PTPN4: variants seen among roughly 807,000 people sequenced by gnomAD.
PTPN4 encodes the protein protein tyrosine phosphatase non-receptor type 4.
Under a neutral mutation model 135.5 loss-of-function variants are expected in PTPN4, and 49 were observed. The ratio of observed to expected loss-of-function variants is 0.36; its 90% confidence interval spans 0.29 to 0.46. The LOEUF is 0.46. Among genes scored for constraint, PTPN4 ranks in the 20% least tolerant of loss-of-function variants. PTPN4 has a pLI of 1.00. For synonymous variants in PTPN4, 333 were observed against 369.9 expected, an observed-to-expected ratio of 0.90 and a Z score of 1.14; for missense variants, 860 against 1,101.0, an observed-to-expected ratio of 0.78 and a Z score of 3.10.
intron 26 of PTPN4, among the ~76,000 whole-genome samples, chr2:119,973,680 T>TC (rs1679572371): frequency 2.3e-5 from 3 of 132,958 alleles, no homozygotes; most frequent in Non-Finnish European, 5.0e-5. Flanking sequence ...TTTTTTTTTT[T>TC]TTGGTAATTT....
intron 26 of PTPN4, among the ~76,000 whole-genome samples, chr2:119,972,260 A>G (rs1679548140): frequency 6.6e-6 from 1 of 151,936 alleles, no homozygotes; most frequent in Non-Finnish European, 1.5e-5. Flanking sequence ...TAATAGTGAT[A>G]TCACATCTTG....
At chr2:119,839,360 T>A (rs1187919607) in intron 2 of PTPN4, among the ~76,000 whole-genome samples, 2 of 152,344 alleles carry the variant, frequency 1.3e-5, no homozygotes, top group Non-Finnish European at 2.9e-5. Context: ...AGATTTATAG[T>A]GCTAATAATG....
chr2:119,877,569 A>G (rs745604003), intron 5 of PTPN4, 27 bp downstream of exon 5: 1 of 1,561,500 alleles, frequency 6.4e-7, no homozygotes, highest in Admixed American at 2.1e-5. Flanking sequence ...ATTTTTCTTG[A>G]AAATATTGTC....
At chr2:119,810,571 AT>A (rs1465468679) in intron 2 of PTPN4, among the ~76,000 whole-genome samples, 1 of 151,916 alleles carries the variant, frequency 6.6e-6, no homozygotes, top group Non-Finnish European at 1.5e-5. Flanking sequence ...TTCATTTACC[AT>A]TTACTTGTCC....
At chr2:119,963,990 A>G (rs142819569) in intron 24 of PTPN4, among the ~76,000 whole-genome samples, 2 of 152,356 alleles carry the variant, frequency 1.3e-5, no homozygotes, top group African/African-American at 4.8e-5. Flanking sequence ...TGAGCCAAAC[A>G]TAATTGGGAA....
intron 1 of PTPN4, among the ~76,000 whole-genome samples, chr2:119,775,815 ATATCTATATC>A (rs1690825054): frequency 1.4e-5 from 2 of 146,806 alleles, no homozygotes; most frequent in Admixed American, 6.7e-5. Flanking sequence ...ATCTATATCT[ATATCTATATC>A]TATATCTATA....
chr2:119,858,470 G>A (rs79459066), intron 2 of PTPN4, among the ~76,000 whole-genome samples: 1,747 of 152,122 alleles, frequency 0.011, 19 homozygotes, highest in Middle Eastern at 0.027. Context: ...TGCCAAATTT[G>A]TAAAAATTTT....
At chr2:119,802,038 C>T (rs1691385340) in intron 1 of PTPN4, among the ~76,000 whole-genome samples, 1 of 151,408 alleles carries the variant, frequency 6.6e-6, no homozygotes, top group African/African-American at 2.4e-5. Flanking sequence ...GTAGCTGGGA[C>T]TACAACAGGC....
intron 1 of PTPN4, among the ~76,000 whole-genome samples, chr2:119,808,705 A>T (rs888033330): frequency 7.9e-5 from 12 of 152,140 alleles, no homozygotes; most frequent in African/African-American, 2.9e-4. Context: ...GTCATGAGCC[A>T]CTTCACCCAG....
chr2:119,926,348 C>G (rs958131335), intron 12 of PTPN4, among the ~76,000 whole-genome samples: 1 of 152,160 alleles, frequency 6.6e-6, no homozygotes, highest in Admixed American at 6.5e-5. Flanking sequence ...AAACAAAAAT[C>G]TGGAGCTGTT....
At position 119,979,476 on chromosome 2, in the gene PTPN4, C is replaced by G. The variant is rs1158857458; in HGVS notation, c.*2406C>G. On this transcript the variant is annotated 3_prime_UTR_variant, in exon 27 of 27. Transcript: ENST00000263708. ...TCATCTGGGAACTACCCACTGTCGT[C>G]ATTTTTATGTGCAGAAAAGATCCTT... 6.6e-6 allele frequency: 1 copy of G among 152,092 alleles called. No homozygotes were observed. Among genetic ancestry groups the G allele is most frequent in the East Asian group, 1.9e-4 (1 of 5,196 alleles). 9.4% of individuals were successfully genotyped at this position (152,092 alleles called of 1,614,324 possible).
Position 119,955,142 on chromosome 2 carries a change from ATTTT to A in PTPN4, c.1814-6_1814-3del, listed in dbSNP as rs759764897. On this transcript the variant is annotated splice_polypyrimidine_tract_variant and intron_variant, in intron 19 of 26. Transcript: ENST00000263708. The stretch of plus-strand genomic sequence containing the variant: ...ATTTCCACGTTTTGGGGTTTGTTTG[ATTTT>A]TTTTTTTTAGCTGTATATGATGTAG... 1.8e-5 allele frequency: 21 copies of A among 1,182,340 alleles called. No individual in the cohort carries two copies. The highest frequency in any genetic ancestry group is 2.4e-5 in the Non-Finnish European group (21 of 857,354). The allele number at this position is 1,182,340 out of a possible 1,614,324, so 73.2% of individuals were successfully genotyped here.
Position 119,977,217 on chromosome 2 carries a change from T to TA in PTPN4, c.*148dup. On this transcript the variant is annotated 3_prime_UTR_variant, in exon 27 of 27. Transcript: ENST00000263708. ...TGAAAACTTCAGCACTGTTGCACTTTATGTTTTAAAAAATGTCACTCTTTC... is the reference window on the plus strand; with the variant it reads ...TGAAAACTTCAGCACTGTTGCACTTTAATGTTTTAAAAAATGTCACTCTTTC... The TA allele has an allele frequency of 7.9e-7, 1 of 1,264,942 alleles. No individual in the cohort carries two copies. The highest frequency in any genetic ancestry group is 1.0e-6 in the Non-Finnish European group (1 of 982,530). The allele number at this position is 1,264,942 out of a possible 1,614,324, so 78.4% of individuals were successfully genotyped here.
At chr2:119,787,773 GTTAATCTCTCT>G (rs1691072321) in intron 1 of PTPN4, among the ~76,000 whole-genome samples, 1 of 152,176 alleles carries the variant, frequency 6.6e-6, no homozygotes, top group Admixed American at 6.6e-5. Flanking sequence ...TAGAAATAAA[GTTAATCTCTCT>G]TTACACACTA....
At chr2:119,853,033 G>A (rs575592639) in intron 2 of PTPN4, among the ~76,000 whole-genome samples, 4 of 152,156 alleles carry the variant, frequency 2.6e-5, no homozygotes, top group African/African-American at 4.8e-5. Context: ...TTTGTTTTAT[G>A]ACCCAGGATA....
At chr2:119,850,384 G>T (rs1226409967) in intron 2 of PTPN4, among the ~76,000 whole-genome samples, 1 of 152,226 alleles carries the variant, frequency 6.6e-6, no homozygotes, top group African/African-American at 2.4e-5. Flanking sequence ...CAGTATTCTG[G>T]ACCATCTGTG....
rs1233047371 is a variant in PTPN4 at position 119,844,698 on chromosome 2, G to A, written c.139-17838G>A. ...CTCCTCACTTCCTAGATGTGATGGC[G>A]GCTGGGAAGAGGCGCTCCTCACTTC... On this transcript the variant is annotated intron_variant, in intron 2 of 26. Coordinates refer to ENST00000263708, the MANE Select transcript of PTPN4 (RefSeq NM_002830.4). Among the ~76,000 whole-genome samples the A allele has an allele frequency of 3.3e-5, 5 of 149,790 alleles. No homozygotes were observed. In the South Asian group the frequency reaches 6.4e-4, roughly 19 times the overall value.
chr2:119,791,001 A>G (rs552342337), intron 1 of PTPN4, among the ~76,000 whole-genome samples: 3 of 152,238 alleles, frequency 2.0e-5, no homozygotes, highest in Non-Finnish European at 4.4e-5. Context: ...TTGCATCTTT[A>G]TACATTGTAA....
At chr2:119,948,013 A>T (rs2105049333) in intron 18 of PTPN4, among the ~76,000 whole-genome samples, 1 of 152,226 alleles carries the variant, frequency 6.6e-6, no homozygotes, top group East Asian at 1.9e-4. Flanking sequence ...ATTTGAAAAA[A>T]GTCCGTTGTG....
Sources: allele counts gnomAD v4.1 joint callset (sites outside exome capture counted in the v4.1 genomes callset), GRCh38; gene constraint gnomAD v4.1.1; transcripts MANE v1.5; gene names NCBI Gene and HGNC (gene_info 2026-07-23, HGNC 2026-07-21).